BPTF: variants seen among roughly 807,000 people sequenced by gnomAD.
BPTF encodes nucleosome-remodeling factor subunit BPTF.
BPTF carries 18 observed loss-of-function variants against 292.5 expected under a neutral mutation model. The ratio of observed to expected loss-of-function variants is 0.06; its 90% CI spans 0.04 to 0.09. The LOEUF (loss-of-function observed/expected upper bound fraction) is 0.09. Among genes scored for constraint, BPTF ranks in the 10% least tolerant of loss-of-function variants. The pLI is 1.00. For synonymous variants in BPTF, 1,225 were observed against 1,251.9 expected (o/e 0.98, Z 0.45); for missense variants, 2,726 against 3,498.7 (o/e 0.78, Z 5.57).
chr17:67,934,870 CAAAA>C (rs569120237), intron 18 of BPTF, among the ~76,000 whole-genome samples: 1 of 91,048 alleles, frequency 1.1e-5, no homozygotes, highest in African/African-American at 5.7e-5. Flanking sequence ...AACTCTGTCT[CAAAA>C]AAAAAAAAAA....
At chr17:67,953,988 T>C (rs1329423148) in intron 23 of BPTF, among the ~76,000 whole-genome samples, 4 of 25,368 alleles carry the variant, frequency 1.6e-4, no homozygotes, top group East Asian at 2.2e-3. Flanking sequence ...TTTTTTTTTT[T>C]TTTTTTTTTT....
chr17:67,858,686 ACGCAG>A (rs1300838217), intron 2 of BPTF, among the ~76,000 whole-genome samples: 1 of 152,106 alleles, frequency 6.6e-6, no homozygotes, highest in Non-Finnish European at 1.5e-5. Flanking sequence ...GGTCACGTTC[ACGCAG>A]TCTCAAGTGC....
rs138283648 is a variant in BPTF, at chr17:67,879,852, A to G, written c.1864+4832A>G. On this transcript the variant is annotated intron_variant, in intron 4 of 27. Transcript: ENST00000306378. ...GAGAACTCACTCACCCCCAACACCC[A>G]ACCCGAGAGCATTAATCTGCTCTTG... 8.2e-3 allele frequency among the ~76,000 whole-genome samples: 1,247 copies of G among 152,272 alleles called. 9 individuals carry two copies. The highest frequency in any genetic ancestry group is 0.02 in the South Asian group (98 of 4,822).
chr17:67,851,799 A>G (rs896666919), intron 1 of BPTF, among the ~76,000 whole-genome samples: 7 of 152,078 alleles, frequency 4.6e-5, no homozygotes, highest in African/African-American at 1.2e-4. Flanking sequence ...ATTGTTTTGC[A>G]TCCTTCCCAA....
chr17:67,845,149 A>G (rs937334203), intron 1 of BPTF, among the ~76,000 whole-genome samples: 2 of 134,418 alleles, frequency 1.5e-5, no homozygotes, highest in Non-Finnish European at 3.0e-5. Flanking sequence ...TGCACCATCA[A>G]TTTGTTCCAT....
At chr17:67,905,523 A>G (rs2062122525) in intron 9 of BPTF, among the ~76,000 whole-genome samples, 1 of 152,152 alleles carries the variant, frequency 6.6e-6, no homozygotes, top group Non-Finnish European at 1.5e-5. Flanking sequence ...CCTGGGCAAC[A>G]TAGCAAGACC....
At chr17:67,853,827 C>A in intron 1 of BPTF, 113 bp from the exon 2 acceptor site, 3 of 779,652 alleles carry the variant, frequency 3.8e-6, no homozygotes, top group South Asian at 2.1e-5. Flanking sequence ...TTTAACTTGA[C>A]AATTATTAAA....
At chr17:67,833,332 G>A (rs1453080491) in intron 1 of BPTF, among the ~76,000 whole-genome samples, 1 of 151,030 alleles carries the variant, frequency 6.6e-6, no homozygotes, top group African/African-American at 2.4e-5. Flanking sequence ...TCCTGCCTCA[G>A]CCTTCCAGCC....
At chr17:67,895,964 C>CTTT (rs796964349) in intron 7 of BPTF, among the ~76,000 whole-genome samples, 4 of 135,340 alleles carry the variant, frequency 3.0e-5, no homozygotes, top group Non-Finnish European at 6.4e-5. Flanking sequence ...CTCAATCAGG[C>CTTT]TTTTTTTTTT....
intron 4 of BPTF, among the ~76,000 whole-genome samples, chr17:67,879,605 A>G (rs999200073): frequency 9.2e-5 from 14 of 152,190 alleles, no homozygotes; most frequent in African/African-American, 3.1e-4. Flanking sequence ...TTATTTAAAA[A>G]AAGAGATTTC....
At chr17:67,927,189 C>T (rs1230732886) in intron 15 of BPTF, among the ~76,000 whole-genome samples, 1 of 152,136 alleles carries the variant, frequency 6.6e-6, no homozygotes, top group Non-Finnish European at 1.5e-5. Flanking sequence ...AGCTCTGTGG[C>T]CTTGGGCCAG....
intron 23 of BPTF, chr17:67,956,974 CA>C (rs556952071): frequency 4.8e-5 from 7 of 145,398 alleles, no homozygotes; most frequent in Admixed American, 1.4e-4. Flanking sequence ...AAAAAATAAA[CA>C]AAAAAAAAGC....
At chr17:67,885,668 T>C (rs2060705869) in intron 4 of BPTF, among the ~76,000 whole-genome samples, 1 of 152,190 alleles carries the variant, frequency 6.6e-6, no homozygotes, top group Non-Finnish European at 1.5e-5. Flanking sequence ...GACCATAGAG[T>C]TAAATAATCC....
intron 26 of BPTF, among the ~76,000 whole-genome samples, chr17:67,969,418 C>A (rs1336449668): frequency 3.7e-5 from 5 of 134,164 alleles, no homozygotes; most frequent in African/African-American, 1.5e-4. Context: ...CGCCACTGCA[C>A]TCCAGCCTGG....
rs1458407670 is a variant in BPTF, at chr17:67,922,847, T to C, written c.5565T>C (p.Pro1855=). 6.2e-7 allele frequency: 1 copy of C among 1,603,728 alleles called. No homozygotes were observed. The highest frequency in any genetic ancestry group is 8.5e-7 in the Non-Finnish European group (1 of 1,177,550). Residue 1855 remains proline (P), a synonymous_variant, in exon 14 of 28, where the codon CCT becomes CCC. Coordinates refer to ENST00000306378, the MANE Select transcript of BPTF (RefSeq NM_182641.4). ...IGVPETPKET[P]TPQRKGLRSS... ...CTGATTTCCTTTCCAAAGAAACGCC[T>C]ACACCTCAGAGGAAAGGCCTTCGAT... is the stretch of plus-strand genomic sequence containing the variant.
chr17:67,948,022 G>A, intron 22 of BPTF, 59 bp from the exon 23 acceptor site: 2 of 1,505,500 alleles, frequency 1.3e-6, no homozygotes, highest in Middle Eastern at 1.8e-4. Flanking sequence ...GAAGAATGAT[G>A]TCTTAAGCCT....
chr17:67,880,401 G>A (rs893696619), intron 4 of BPTF, among the ~76,000 whole-genome samples: 1 of 151,874 alleles, frequency 6.6e-6, no homozygotes, highest in Non-Finnish European at 1.5e-5. Flanking sequence ...GTTTTTTTAT[G>A]ACGTCTACTA....
intron 1 of BPTF, 61 bp from the exon 2 acceptor site, chr17:67,853,879 G>A: frequency 1.1e-5 from 15 of 1,364,126 alleles, no homozygotes; most frequent in Non-Finnish European, 1.5e-5. Flanking sequence ...TGTTCAAATA[G>A]GAAATTTGTA....
chr17:67,838,746 G>T (rs1299959745), intron 1 of BPTF, among the ~76,000 whole-genome samples: 4 of 152,292 alleles, frequency 2.6e-5, no homozygotes, highest in East Asian at 3.9e-4. Flanking sequence ...AAACTGTTGG[G>T]ATTACAGGCG....
Sources: gnomAD v4.1 joint callset for allele counts (sites outside exome capture counted in the v4.1 genomes callset) on GRCh38, gnomAD v4.1.1 for gene constraint, MANE v1.5 for transcripts, NCBI Gene and HGNC (gene_info 2026-07-23, HGNC 2026-07-21) for gene names.